The following PCNX2 variants were observed in gnomAD, a reference collection of about 807,000 sequenced individuals.
PCNX2 encodes pecanex-like protein 2.
PCNX2 carries 168 observed loss-of-function variants against 223.8 expected under a neutral mutation model. The ratio of observed to expected loss-of-function variants is 0.75; its 90% CI spans 0.66 to 0.85. The LOEUF is 0.85. PCNX2 is among the 40% of genes least tolerant of loss of function. The pLI is 0.00. For missense variants in PCNX2, 2,507 were observed against 2,675.5 expected (o/e 0.94, Z 1.39); for synonymous variants, 1,006 against 1,052.6 (o/e 0.96, Z 0.86).
At chr1:233,074,090 T>C (rs529960407) in intron 23 of PCNX2, among the ~76,000 whole-genome samples, 21 of 152,330 alleles carry the variant, frequency 1.4e-4, no homozygotes, top group South Asian at 6.2e-4. Context: ...TTTTAATTTA[T>C]ATATATTTGG....
intron 1 of PCNX2, among the ~76,000 whole-genome samples, chr1:233,273,921 C>T (rs950931762): frequency 6.6e-6 from 1 of 152,120 alleles, no homozygotes; most frequent in East Asian, 1.9e-4. Context: ...TCGTGCCTGA[C>T]CTCTTTTGGC....
At chr1:233,093,409 GAGCAAATT>G (rs1308373436) in intron 22 of PCNX2, among the ~76,000 whole-genome samples, 1 of 152,144 alleles carries the variant, frequency 6.6e-6, no homozygotes, top group Non-Finnish European at 1.5e-5. Context: ...TTCCAAAACA[GAGCAAATT>G]AGTCCCTTTT....
the PCNX2 span, among the ~76,000 whole-genome samples, chr1:233,302,847 A>G: frequency 4.6e-5 from 7 of 152,272 alleles, no homozygotes; most frequent in African/African-American, 1.7e-4. Flanking sequence ...CTAATAATCT[A>G]TATCCTCATT....
intron 26 of PCNX2, among the ~76,000 whole-genome samples, chr1:233,017,901 G>GTAGGCTTTGGTGGTTCCTA (rs1459662078): frequency 6.6e-6 from 1 of 152,258 alleles, no homozygotes; most frequent in Non-Finnish European, 1.5e-5. Flanking sequence ...CGGGGTTGCT[G>GTAGGCTTTGGTGGTTCCTA]TAGGCTTTGG....
At chr1:233,058,752 G>A (rs962554911) in intron 23 of PCNX2, among the ~76,000 whole-genome samples, 1 of 140,564 alleles carries the variant, frequency 7.1e-6, no homozygotes, top group African/African-American at 2.8e-5. Context: ...GGCAACCTCC[G>A]CCTCCTGGGT....
intron 26 of PCNX2, among the ~76,000 whole-genome samples, chr1:233,024,350 C>T (rs1018849388): frequency 4.0e-4 from 61 of 152,192 alleles, no homozygotes; most frequent in Admixed American, 1.6e-3. Context: ...TTGTGGCCTC[C>T]GACGGATGAG....
At chr1:233,088,237 G>A (rs1315197442) in intron 23 of PCNX2, among the ~76,000 whole-genome samples, 1 of 152,144 alleles carries the variant, frequency 6.6e-6, no homozygotes, top group Non-Finnish European at 1.5e-5. Flanking sequence ...TCAACTGAGA[G>A]GTGTTTTACT....
At chr1:233,323,567 C>T in the PCNX2 span, among the ~76,000 whole-genome samples, 5 of 152,210 alleles carry the variant, frequency 3.3e-5, no homozygotes, top group Admixed American at 3.3e-4. Context: ...ATATTTCAAA[C>T]TATTTCATTA....
intron 1 of PCNX2, among the ~76,000 whole-genome samples, chr1:233,275,241 T>A (rs946325692): frequency 2.6e-5 from 4 of 152,186 alleles, no homozygotes; most frequent in African/African-American, 9.7e-5. Context: ...TCTCGATCTG[T>A]CACCCAGGCT....
In PCNX2 at chr1:233,001,893, G is replaced by A. The variant is rs78825154; in HGVS notation, c.4953-212C>T. Among the ~76,000 whole-genome samples, 6,855 of 152,234 alleles carry A rather than the reference G, an allele frequency of 0.045. 478 individuals carry two copies. The highest frequency in any genetic ancestry group is 0.15 in the African/African-American group (6,334 of 41,522). Reference sequence around the variant, plus strand: ...TAAGTGCTAGTGTCATGGCGTGGGCGTTGTCTTCAGTCATTTTAGGAGCCA... The same window carrying A: ...TAAGTGCTAGTGTCATGGCGTGGGCATTGTCTTCAGTCATTTTAGGAGCCA... On this transcript the variant is annotated intron_variant, in intron 28 of 33. Transcript: ENST00000258229. The surrounding 1 kb of genome is among the most constrained non-coding windows in gnomAD (Gnocchi z 4.2).
chr1:233,107,347 C>T (rs1674856834), intron 21 of PCNX2, among the ~76,000 whole-genome samples: 1 of 152,134 alleles, frequency 6.6e-6, no homozygotes, highest in Non-Finnish European at 1.5e-5. Flanking sequence ...GTGATCAAGC[C>T]ACTCCATTCC....
intron 21 of PCNX2, 101 bp downstream of exon 21, chr1:233,134,912 A>G (rs1676718453): frequency 1.9e-6 from 2 of 1,041,720 alleles, no homozygotes; most frequent in African/African-American, 1.6e-5. Context: ...ATATCCTCCC[A>G]TAATTTTTTT....
chr1:233,225,425 A>T (rs1480655756), intron 10 of PCNX2, among the ~76,000 whole-genome samples: 1 of 152,148 alleles, frequency 6.6e-6, no homozygotes, highest in Non-Finnish European at 1.5e-5. Context: ...TCATAGCACT[A>T]ATAAGTAGTA....
intron 17 of PCNX2, among the ~76,000 whole-genome samples, chr1:233,169,267 T>C (rs1678988805): frequency 1.3e-5 from 2 of 152,112 alleles, no homozygotes; most frequent in African/African-American, 4.8e-5. Context: ...GGATCCTAAG[T>C]CTGAAAAATC....
the PCNX2 span, among the ~76,000 whole-genome samples, chr1:233,327,153 C>T: frequency 6.6e-6 from 1 of 152,218 alleles, no homozygotes; most frequent in African/African-American, 2.4e-5. Flanking sequence ...TCTCTCCCCG[C>T]CACACCCTAA....
chr1:233,179,867 T>C (rs7545487), intron 15 of PCNX2, among the ~76,000 whole-genome samples: 147,432 of 152,348 alleles, frequency 0.97, 71,391 homozygotes, highest in East Asian at 1. Flanking sequence ...TGAGCAACTT[T>C]CTCTTCTTCT....
chr1:233,208,391 A>AC, intron 13 of PCNX2, 127 bp downstream of exon 13: 1 of 1,050,644 alleles, frequency 9.5e-7, no homozygotes, highest in South Asian at 1.9e-5. Context: ...GTAGATATGC[A>AC]AGCCAAGAGG....
the PCNX2 span, among the ~76,000 whole-genome samples, chr1:233,309,981 A>T: frequency 6.6e-6 from 1 of 152,204 alleles, no homozygotes; most frequent in Non-Finnish European, 1.5e-5. Flanking sequence ...ACATCAAATA[A>T]ATAATAAAGT....
At chr1:233,077,657 C>A (rs185647171) in intron 23 of PCNX2, among the ~76,000 whole-genome samples, 1 of 152,142 alleles carries the variant, frequency 6.6e-6, no homozygotes, top group Non-Finnish European at 1.5e-5. Context: ...GCTCCAACTA[C>A]GCAACCTCTA....
Sources: allele counts gnomAD v4.1 joint callset (sites outside exome capture counted in the v4.1 genomes callset), GRCh38; gene constraint gnomAD v4.1.1; non-coding constraint Gnocchi (gnomAD v3.1); transcripts MANE v1.5; gene names NCBI Gene and HGNC (gene_info 2026-07-23, HGNC 2026-07-21).